Variants in SPRED2 observed in about 807,000 individuals in gnomAD.
The protein encoded by SPRED2 is sprouty related EVH1 domain containing 2.
Under a neutral mutation model 43.0 loss-of-function variants are expected in SPRED2, and 47 were observed. The ratio of observed to expected loss-of-function variants is 1.09; its 90% CI spans 0.87 to 1.40. The LOEUF is 1.40. SPRED2 is among the 40% of genes most tolerant of loss of function. The probability of loss-of-function intolerance (pLI) is 0.00; values close to 1 mark genes in which losing one functional copy is unlikely to be tolerated. For missense variants in SPRED2, 561 were observed against 586.4 expected, an observed-to-expected ratio of 0.96 and a Z score of 0.45; for synonymous variants, 225 against 225.7, an observed-to-expected ratio of 1.00 and a Z score of 0.03.
At chr2:65,360,838 A>AT (rs1674794355) in intron 1 of SPRED2, among the ~76,000 whole-genome samples, 1 of 152,254 alleles carries the variant, frequency 6.6e-6, no homozygotes, top group Non-Finnish European at 1.5e-5. Flanking sequence ...TTTTACCACA[A>AT]TAAAAAAAGA....
At chr2:65,327,543 T>A (rs760580648) in intron 4 of SPRED2, among the ~76,000 whole-genome samples, 1 of 152,070 alleles carries the variant, frequency 6.6e-6, no homozygotes, top group Non-Finnish European at 1.5e-5. Flanking sequence ...AGAGTTATTG[T>A]CATTTAGAAG....
chr2:65,410,516 T>C (rs1244525442), intron 1 of SPRED2, among the ~76,000 whole-genome samples: 2 of 152,114 alleles, frequency 1.3e-5, no homozygotes, highest in Non-Finnish European at 2.9e-5. Flanking sequence ...TCCCAGCACT[T>C]TGGGAGGCCG....
rs577925628 is a variant in SPRED2 at position 65,366,788 on chromosome 2, G to A, written c.27-21892C>T. 6.0e-6 allele frequency: 8 copies of A among 1,324,762 alleles called. No individual in the cohort carries two copies. The East Asian group carries it at 8.8e-5, about 15-fold the overall frequency. 82.1% of individuals were successfully genotyped at this position (1,324,762 alleles called of 1,614,324 possible). On this transcript the variant is annotated intron_variant, in intron 1 of 5. Coordinates refer to ENST00000356388, the MANE Select transcript of SPRED2 (RefSeq NM_181784.3). ...CTGCATTGTACCGGATGAGTCATCC[G>A]AGGGTTAGTCCGCATTTTATAGGCC...
intron 1 of SPRED2, among the ~76,000 whole-genome samples, chr2:65,399,269 CAA>C (rs1360241172): frequency 2.4e-4 from 19 of 78,714 alleles, no homozygotes; most frequent in East Asian, 3.7e-4. Context: ...AAATCTGTCT[CAA>C]AAAAAAAAAA....
intron 4 of SPRED2, among the ~76,000 whole-genome samples, chr2:65,323,337 C>T (rs1673492827): frequency 6.6e-6 from 1 of 152,128 alleles, no homozygotes; most frequent in Non-Finnish European, 1.5e-5. Context: ...AAACCACATA[C>T]TTTGAGTAGC....
intron 1 of SPRED2, among the ~76,000 whole-genome samples, chr2:65,382,020 G>A (rs192197722): frequency 2.0e-5 from 3 of 152,330 alleles, no homozygotes; most frequent in Admixed American, 2.0e-4. Context: ...CTGCGCTTGA[G>A]TAACCACTCC....
chr2:65,360,052 G>A (rs1674758690), intron 1 of SPRED2, among the ~76,000 whole-genome samples: 1 of 115,034 alleles, frequency 8.7e-6, no homozygotes, highest in East Asian at 2.9e-4. Flanking sequence ...GCGACAGAGC[G>A]AGACTCCATC....
chr2:65,409,689 T>C (rs1676105701), intron 1 of SPRED2, among the ~76,000 whole-genome samples: 1 of 81,118 alleles, frequency 1.2e-5, no homozygotes, highest in Non-Finnish European at 2.6e-5. Flanking sequence ...TCCAGTTTCC[T>C]GCAAAAAAAA....
At chr2:65,348,897 T>C (rs1470319384) in intron 1 of SPRED2, among the ~76,000 whole-genome samples, 1 of 152,226 alleles carries the variant, frequency 6.6e-6, no homozygotes, top group Non-Finnish European at 1.5e-5. Context: ...TCACAGTACT[T>C]TCTATTCCTA....
intron 2 of SPRED2, among the ~76,000 whole-genome samples, chr2:65,342,273 T>C (rs1674211073): frequency 3.5e-5 from 5 of 144,004 alleles, no homozygotes; most frequent in Admixed American, 2.8e-4. Flanking sequence ...GTATATTTTG[T>C]ATACGTATAT....
At chr2:65,423,603 C>A (rs1275292888) in intron 1 of SPRED2, among the ~76,000 whole-genome samples, 1 of 152,226 alleles carries the variant, frequency 6.6e-6, no homozygotes, top group East Asian at 1.9e-4. Flanking sequence ...AAGTGAAAAT[C>A]TTGTTTCCTG....
chr2:65,327,992 G>C (rs1312355209), intron 4 of SPRED2, among the ~76,000 whole-genome samples: 2 of 152,154 alleles, frequency 1.3e-5, no homozygotes, highest in East Asian at 3.9e-4. Flanking sequence ...AAAGTGCTGG[G>C]ATTACAGGCA....
At chr2:65,363,101 G>C (rs113677619) in intron 1 of SPRED2, among the ~76,000 whole-genome samples, 1 of 146,488 alleles carries the variant, frequency 6.8e-6, no homozygotes, top group Non-Finnish European at 1.5e-5. Context: ...TTAGCTGGGT[G>C]TGGTGGCACA....
intron 1 of SPRED2, among the ~76,000 whole-genome samples, chr2:65,417,857 CAAAGCATTCACCACTTCACTGACG>C (rs1676324259): frequency 6.6e-6 from 1 of 152,230 alleles, no homozygotes; most frequent in African/African-American, 2.4e-5. Flanking sequence ...CGAGAAAGGG[CAAAGCATTCACCACTTCACTGACG>C]AGTGCTGTGA....
chr2:65,350,193 C>A (rs964957759), intron 1 of SPRED2, among the ~76,000 whole-genome samples: 1 of 152,154 alleles, frequency 6.6e-6, no homozygotes, highest in Non-Finnish European at 1.5e-5. Flanking sequence ...CTGTTTAAAA[C>A]AGATGCAGGG....
chr2:65,372,974 C>T (rs1281671886), intron 1 of SPRED2, among the ~76,000 whole-genome samples: 2 of 152,238 alleles, frequency 1.3e-5, no homozygotes, highest in Non-Finnish European at 2.9e-5. Context: ...TTATCCAAGA[C>T]AGCTTCCTAG....
intron 3 of SPRED2, among the ~76,000 whole-genome samples, chr2:65,333,944 G>C (rs1673888383): frequency 6.6e-6 from 1 of 152,138 alleles, no homozygotes; most frequent in Admixed American, 6.6e-5. Context: ...TTTCTTCACA[G>C]GGCCCTGTCT....
intron 4 of SPRED2, among the ~76,000 whole-genome samples, chr2:65,319,233 C>T (rs1483615299): frequency 2.6e-5 from 4 of 152,212 alleles, no homozygotes; most frequent in African/African-American, 9.6e-5. Flanking sequence ...CCATGCATGG[C>T]TGATGCCTGC....
chr2:65,366,708 G>C (rs1340670912), intron 1 of SPRED2: 6 of 1,525,230 alleles, frequency 3.9e-6, no homozygotes, highest in East Asian at 4.9e-5. Flanking sequence ...AGAACCAGCT[G>C]GCTGCCTGAG....
Sources: gnomAD v4.1 joint callset for allele counts (sites outside exome capture counted in the v4.1 genomes callset) on GRCh38, gnomAD v4.1.1 for gene constraint, MANE v1.5 for transcripts, NCBI Gene and HGNC (gene_info 2026-07-23, HGNC 2026-07-21) for gene names.